The following PRPF18 variants were observed in gnomAD, a reference collection of about 807,000 sequenced individuals.
PRPF18 encodes the protein pre-mRNA-splicing factor 18.
PRPF18 carries 38 observed loss-of-function variants against 46.5 expected under a neutral mutation model. The observed-to-expected ratio is 0.82, with a 90% CI of 0.63 to 1.07. The LOEUF is 1.07. Ranked by LOEUF, PRPF18 falls within the 50% of genes least tolerant of loss-of-function variation. The pLI, the probability that PRPF18 is intolerant of heterozygous loss-of-function variation, is 0.00. For missense variants in PRPF18, 263 were observed against 410.0 expected (o/e 0.64, Z 3.10); for synonymous variants, 152 against 146.7 (o/e 1.04, Z -0.26).
At chr10:13,633,043 G>C (rs2080604124), downstream of PRPF18, among the ~76,000 whole-genome samples, 2 of 152,226 alleles carry the variant, frequency 1.3e-5, no homozygotes, top group South Asian at 4.1e-4. Context: ...AGACAGAGCA[G>C]TATTTTTCAG....
At chr10:13,654,878 C>A in the PRPF18 span, 1 of 259,886 alleles carries the variant, frequency 3.8e-6, no homozygotes, top group South Asian at 9.2e-5. Context: ...GTCCTTTGAG[C>A]GAGACCTGAG....
At chr10:13,612,160 A>G (rs2080278274) in intron 6 of PRPF18, among the ~76,000 whole-genome samples, 1 of 152,176 alleles carries the variant, frequency 6.6e-6, no homozygotes, top group African/African-American at 2.4e-5. Context: ...GATTACAGGC[A>G]TGAGCCACTG....
chr10:13,597,817 A>G (rs1020369444), intron 2 of PRPF18: 8 of 488,422 alleles, frequency 1.6e-5, no homozygotes, highest in African/African-American at 1.4e-4. Flanking sequence ...TTTTTTAATA[A>G]AGTCCTGAAT....
chr10:13,587,731 C>T (rs1443530263), intron 1 of PRPF18, among the ~76,000 whole-genome samples: 1 of 152,240 alleles, frequency 6.6e-6, no homozygotes, highest in African/African-American at 2.4e-5. Flanking sequence ...ACTTTGTAAC[C>T]GGGGCCTCGA....
At position 13,605,751 on chromosome 10, in the gene PRPF18, G is replaced by A. The variant is rs1302598591; in HGVS notation, c.363+7G>A. 2 of 1,606,230 alleles carry A rather than the reference G, an allele frequency of 1.2e-6. No homozygotes were observed. Among genetic ancestry groups the A allele is most frequent in the Admixed American group, 3.4e-5 (2 of 58,184 alleles). ...CACACCAGAAGTTAACAAGGTAAGAGGACAGAACAAAGCTAGAAAAATACC... is the reference window on the plus strand; with the variant it reads ...CACACCAGAAGTTAACAAGGTAAGAAGACAGAACAAAGCTAGAAAAATACC... On this transcript the variant is annotated splice_region_variant and intron_variant, in intron 4 of 9. Transcript: ENST00000378572.
intron 4 of PRPF18, among the ~76,000 whole-genome samples, chr10:13,609,350 A>C (rs968616805): frequency 6.6e-6 from 1 of 152,204 alleles, no homozygotes; most frequent in Admixed American, 6.5e-5. Flanking sequence ...ACAGGGGTTA[A>C]GCAAGCTTTC....
the PRPF18 span, among the ~76,000 whole-genome samples, chr10:13,636,298 T>C: frequency 3.9e-5 from 6 of 152,176 alleles, no homozygotes; most frequent in African/African-American, 1.4e-4. Context: ...GGCGCGCACG[T>C]GTAGTCCCAG....
At chr10:13,649,136 T>G in the PRPF18 span, 1 of 152,190 alleles carries the variant, frequency 6.6e-6, no homozygotes, top group Non-Finnish European at 1.5e-5. Context: ...GTTGACTCTC[T>G]TGTATGTTGG....
Position 13,630,444 on chromosome 10 carries a change from C to A in PRPF18, c.*104C>A. 1.1e-6 allele frequency: 1 copy of A among 923,686 alleles called. No individual in the cohort carries two copies. Among genetic ancestry groups the A allele is most frequent in the Non-Finnish European group, 1.6e-6 (1 of 610,152 alleles). 57.2% of individuals were successfully genotyped at this position (923,686 alleles called of 1,614,324 possible). ...GAGGAAAGAAGAAAACTGGAGTTTC[C>A]AGTCTCTGAGTTCTACCTGATGTAA... On this transcript the variant is annotated 3_prime_UTR_variant, in exon 10 of 10. Transcript: ENST00000378572.
At chr10:13,627,068 C>G (rs2080518568) in intron 9 of PRPF18, among the ~76,000 whole-genome samples, 1 of 152,116 alleles carries the variant, frequency 6.6e-6, no homozygotes, top group Admixed American at 6.5e-5. Context: ...CAGCATTCCC[C>G]AGACTGATCC....
At chr10:13,619,104 T>C (rs576172798) in intron 9 of PRPF18, among the ~76,000 whole-genome samples, 6 of 152,208 alleles carry the variant, frequency 3.9e-5, no homozygotes, top group Non-Finnish European at 8.8e-5. Context: ...TGTGAGAATC[T>C]AATGCCAGGA....
At chr10:13,648,188 C>T in the PRPF18 span, 2 of 152,130 alleles carry the variant, frequency 1.3e-5, no homozygotes, top group South Asian at 4.1e-4. Flanking sequence ...TAATGAGAGT[C>T]CTGTGTTTGG....
At chr10:13,640,616 TATG>T in the PRPF18 span, 1 of 30,854 alleles carries the variant, frequency 3.2e-5, no homozygotes, top group Non-Finnish European at 8.3e-5. Flanking sequence ...CCTCAAGACC[TATG>T]TCCAATCAGT....
At chr10:13,650,160 C>G in the PRPF18 span, among the ~76,000 whole-genome samples, 26 of 152,332 alleles carry the variant, frequency 1.7e-4, no homozygotes, top group African/African-American at 6.0e-4. Flanking sequence ...TGGTTTATAA[C>G]TGCTTGGCAT....
At chr10:13,612,676 A>G (rs1329088659) in intron 6 of PRPF18, among the ~76,000 whole-genome samples, 2 of 121,476 alleles carry the variant, frequency 1.6e-5, no homozygotes, top group East Asian at 2.6e-4. Context: ...TCTGTTGCCT[A>G]GGCTGGAGTG....
At chr10:13,610,007 A>G in intron 4 of PRPF18, 32 bp from the exon 5 acceptor site, 4 of 1,554,952 alleles carry the variant, frequency 2.6e-6, no homozygotes, top group South Asian at 1.1e-5. Context: ...TCCTTTCATA[A>G]CAGGTGTTCT....
chr10:13,625,333 T>G lies in PRPF18; in HGVS notation c.949-4927T>G, dbSNP rs73576206. The stretch of plus-strand genomic sequence containing the variant: ...CTGAAAACAAAACAAACAAAAAAAT[T>G]CTTAGGTAACGTTGTAGCCATGAAA... On this transcript the variant is annotated intron_variant, in intron 9 of 9. Coordinates refer to ENST00000378572, the MANE Select transcript of PRPF18 (RefSeq NM_003675.4). 2.1e-3 allele frequency among the ~76,000 whole-genome samples: 320 copies of G among 152,096 alleles called. 2 individuals carry two copies. The highest frequency in any genetic ancestry group is 7.2e-3 in the African/African-American group (297 of 41,504).
intron 1 of PRPF18, among the ~76,000 whole-genome samples, chr10:13,593,820 G>C (rs2079997200): frequency 6.6e-6 from 1 of 152,210 alleles, no homozygotes; most frequent in African/African-American, 2.4e-5. Flanking sequence ...TCCATAAAAT[G>C]AGATGGTTTA....
chr10:13,649,264 A>ATTGAGTTCAAAG, the PRPF18 span: 1 of 151,382 alleles, frequency 6.6e-6, no homozygotes, highest in Non-Finnish European at 1.5e-5. Context: ...AAGAAAGACC[A>ATTGAGTTCAAAG]TTGAGTTCAA....
Sources: allele counts gnomAD v4.1 joint callset (sites outside exome capture counted in the v4.1 genomes callset), GRCh38; gene constraint gnomAD v4.1.1; transcripts MANE v1.5; gene names NCBI Gene and HGNC (gene_info 2026-07-23, HGNC 2026-07-21).